Variants in ATXN2 observed in about 807,000 individuals in gnomAD.
The protein encoded by ATXN2 is ataxin 2, also known as ataxin-2.
A neutral mutation model predicts 138.6 loss-of-function variants in ATXN2; 37 were observed. That is an observed-to-expected ratio of 0.27 (90% CI 0.21 to 0.35). ATXN2 has a LOEUF of 0.35. Ranked by LOEUF, ATXN2 falls within the 10% of genes least tolerant of loss-of-function variation. ATXN2 has a pLI of 1.00. For synonymous variants in ATXN2, 549 were observed against 543.7 expected (o/e 1.01, Z -0.13); for missense variants, 1,216 against 1,480.3 (o/e 0.82, Z 2.93).
chr12:111,475,647 G>A (rs1876761727), intron 18 of ATXN2, among the ~76,000 whole-genome samples: 1 of 150,986 alleles, frequency 6.6e-6, no homozygotes, highest in African/African-American at 2.4e-5. Context: ...CCTGCCACCG[G>A]GCCCAGCCAA....
chr12:111,553,723 C>T (rs1037362260), intron 3 of ATXN2, among the ~76,000 whole-genome samples: 4 of 151,002 alleles, frequency 2.6e-5, no homozygotes, highest in African/African-American at 9.8e-5. Context: ...ACGTCAGCCT[C>T]CCAAGTCACT....
intron 14 of ATXN2, among the ~76,000 whole-genome samples, chr12:111,491,962 G>C (rs1282359768): frequency 6.6e-6 from 1 of 152,172 alleles, no homozygotes; most frequent in Non-Finnish European, 1.5e-5. Context: ...CCCTGGGCCA[G>C]AAGGGAACCT....
chr12:111,589,886 T>C (rs1884562380), intron 1 of ATXN2, among the ~76,000 whole-genome samples: 2 of 151,270 alleles, frequency 1.3e-5, no homozygotes, highest in South Asian at 4.2e-4. Context: ...ACCACTGCAC[T>C]CCCGCCTGGG....
chr12:111,488,124 A>G (rs2135701650), intron 15 of ATXN2, among the ~76,000 whole-genome samples: 1 of 152,326 alleles, frequency 6.6e-6, no homozygotes. Flanking sequence ...CAGTTTTTCA[A>G]CCTAGCAGCA....
intron 8 of ATXN2, among the ~76,000 whole-genome samples, chr12:111,518,763 GA>G (rs1198848651): frequency 6.6e-6 from 1 of 151,930 alleles, no homozygotes; most frequent in Non-Finnish European, 1.5e-5. Flanking sequence ...TTTTCTCTGA[GA>G]TCTCTTCTCT....
intron 14 of ATXN2, among the ~76,000 whole-genome samples, chr12:111,493,066 T>C (rs1357861515): frequency 6.6e-6 from 1 of 152,140 alleles, no homozygotes; most frequent in Non-Finnish European, 1.5e-5. Flanking sequence ...AGTCTCTCAA[T>C]AGCAGAAATG....
intron 9 of ATXN2, among the ~76,000 whole-genome samples, chr12:111,517,514 A>G (rs1285866115): frequency 6.6e-6 from 1 of 152,202 alleles, no homozygotes; most frequent in Non-Finnish European, 1.5e-5. Context: ...TTAGTAACAT[A>G]CTATTGCTAT....
At chr12:111,479,065 C>T in intron 18 of ATXN2, 1 of 389,152 alleles carries the variant, frequency 2.6e-6, no homozygotes, top group South Asian at 1.3e-4. Flanking sequence ...GAAATATGCA[C>T]TTACCATACC....
intron 6 of ATXN2, among the ~76,000 whole-genome samples, chr12:111,522,228 TAAAA>T (rs35035921): frequency 0.023 from 2,461 of 108,168 alleles, 67 homozygotes; most frequent in African/African-American, 0.061. Flanking sequence ...ATGCCCTACA[TAAAA>T]AAAAAAAAAA....
intron 14 of ATXN2, among the ~76,000 whole-genome samples, chr12:111,497,833 G>A (rs369017579): frequency 2.0e-5 from 3 of 151,896 alleles, no homozygotes; most frequent in East Asian, 3.9e-4. Context: ...TGGCTAACAC[G>A]GTGAAACCCC....
chr12:111,485,331 G>T lies in ATXN2; in HGVS notation c.2458C>A (p.Pro820Thr). ...YPVPVSPGVQPLYPIPMTPMP... is the reference protein window; with the variant it reads ...YPVPVSPGVQTLYPIPMTPMP... ...GGCGTCATAGGTATTGGGTATAAAG[G>T]CTTGAGAGAATTAAAAAAAAAATTA... The change falls in exon 18 of 25, where the codon CCT (proline) becomes ACT (threonine). Residue 820 changes from proline (P) to threonine (T), a missense_variant and splice_region_variant. This residue lies in a region of ATXN2 where 490 missense variants were observed against 653.5 expected (regional missense o/e 0.75). Transcript: ENST00000673436. The T allele has an allele frequency of 1.2e-6, 2 of 1,608,824 alleles. No individual in the cohort carries two copies. The highest frequency in any genetic ancestry group is 1.7e-6 in the Non-Finnish European group (2 of 1,176,952).
chr12:111,544,417 T>C (rs1420721128), intron 5 of ATXN2, among the ~76,000 whole-genome samples: 1 of 152,250 alleles, frequency 6.6e-6, no homozygotes, highest in Non-Finnish European at 1.5e-5. Context: ...GCCTGTACTA[T>C]GTGCCAAAGC....
At chr12:111,537,396 C>G (rs867010676) in intron 5 of ATXN2, among the ~76,000 whole-genome samples, 1 of 151,124 alleles carries the variant, frequency 6.6e-6, no homozygotes, top group Non-Finnish European at 1.5e-5. Context: ...ACCAGCCTGG[C>G]CAACATGGTG....
intron 14 of ATXN2, among the ~76,000 whole-genome samples, chr12:111,506,812 C>T (rs1276365969): frequency 6.6e-6 from 1 of 152,076 alleles, no homozygotes. Context: ...TGCAGGCCCG[C>T]GCCGCCACGC....
At chr12:111,531,327 T>G (rs1880821586) in intron 5 of ATXN2, among the ~76,000 whole-genome samples, 2 of 152,054 alleles carry the variant, frequency 1.3e-5, no homozygotes, top group Non-Finnish European at 2.9e-5. Context: ...GCAGGCGAAT[T>G]GCTTGAACCT....
intron 14 of ATXN2, among the ~76,000 whole-genome samples, chr12:111,493,975 G>T (rs1878230116): frequency 6.6e-6 from 1 of 151,772 alleles, no homozygotes; most frequent in Admixed American, 6.6e-5. Flanking sequence ...CTGTTGCCCA[G>T]ACTGGAGTGC....
At chr12:111,521,008 A>G in intron 6 of ATXN2, 35 bp from the exon 7 acceptor site, 2 of 1,340,994 alleles carry the variant, frequency 1.5e-6, no homozygotes, top group South Asian at 2.5e-5. Context: ...TCAAAATGTC[A>G]AAGTAGTTGT....
At chr12:111,545,226 G>T (rs58942894) in intron 5 of ATXN2, among the ~76,000 whole-genome samples, 271 of 152,164 alleles carry the variant, frequency 1.8e-3, no homozygotes, top group African/African-American at 6.1e-3. Context: ...AGGTTTTCAT[G>T]CTAAAGGGAA....
intron 14 of ATXN2, among the ~76,000 whole-genome samples, chr12:111,504,406 C>A (rs116870920): frequency 6.6e-6 from 1 of 152,288 alleles, no homozygotes; most frequent in Non-Finnish European, 1.5e-5. Flanking sequence ...CCTGCCTCAG[C>A]CACTACAGTA....
Sources: gnomAD v4.1 joint callset for allele counts (sites outside exome capture counted in the v4.1 genomes callset) on GRCh38, gnomAD v4.1.1 for gene constraint, gnomAD v4.1.1 regional missense constraint, MANE v1.5 for transcripts, NCBI Gene and HGNC (gene_info 2026-07-23, HGNC 2026-07-21) for gene names.